PCDH15: variants seen among roughly 807,000 people sequenced by gnomAD.
The protein encoded by PCDH15 is protocadherin-15.
In PCDH15, 129 loss-of-function variants were observed where a neutral mutation model predicts 178.5. The ratio of observed to expected loss-of-function variants is 0.72; its 90% confidence interval spans 0.63 to 0.84. PCDH15 has a LOEUF of 0.84. PCDH15 is among the 40% of genes least tolerant of loss of function. The probability of loss-of-function intolerance (pLI) is 0.00; values close to 1 mark genes in which losing one functional copy is unlikely to be tolerated. For synonymous variants in PCDH15, 800 were observed against 732.0 expected, an observed-to-expected ratio of 1.09 and a Z score of -1.50; for missense variants, 2,230 against 2,099.9, an observed-to-expected ratio of 1.06 and a Z score of -1.21.
chr10:54,026,663 T>C (rs2093105917), intron 18 of PCDH15, among the ~76,000 whole-genome samples: 1 of 152,186 alleles, frequency 6.6e-6, no homozygotes, highest in Non-Finnish European at 1.5e-5. Context: ...TTTGCGTATA[T>C]TGAACCAGCT....
intron 2 of PCDH15, among the ~76,000 whole-genome samples, chr10:55,155,871 A>G (rs1838872547): frequency 6.6e-6 from 1 of 152,132 alleles, no homozygotes; most frequent in Non-Finnish European, 1.5e-5. Context: ...TGCTGTAAAG[A>G]TCAGCTATTA....
At chr10:55,272,339 AT>A (rs1842466619) in intron 1 of PCDH15, among the ~76,000 whole-genome samples, 1 of 150,952 alleles carries the variant, frequency 6.6e-6, no homozygotes, top group Non-Finnish European at 1.5e-5. Flanking sequence ...AAAGTTGAAT[AT>A]TTTTATTGTG....
intron 2 of PCDH15, among the ~76,000 whole-genome samples, chr10:55,047,097 A>G (rs975203344): frequency 6.6e-6 from 1 of 151,944 alleles, no homozygotes; most frequent in Non-Finnish European, 1.5e-5. Flanking sequence ...AGAAAATTAC[A>G]TGAAGGAACA....
intron 32 of PCDH15, chr10:53,823,197 G>C (rs767016017): frequency 6.2e-7 from 1 of 1,614,006 alleles, no homozygotes. Flanking sequence ...GAATTTTCTT[G>C]CAGACTTCAG....
In PCDH15 at chr10:53,805,002, A is replaced by G. The variant is rs1307681259; in HGVS notation, c.*1577T>C. 1.3e-5 allele frequency: 2 copies of G among 151,896 alleles called. No homozygotes were observed. The highest frequency in any genetic ancestry group is 2.9e-5 in the Non-Finnish European group (2 of 67,926). 9.4% of individuals were successfully genotyped at this position (151,896 alleles called of 1,614,324 possible). A position where few individuals can be genotyped will look rare whatever the true frequency, so the allele number is the denominator to read the frequency against. On this transcript the variant is annotated 3_prime_UTR_variant, in exon 38 of 38. Coordinates refer to ENST00000644397, the MANE Select transcript of PCDH15 (RefSeq NM_001384140.1). ...AATTCTCAATAAAATAAGGTAGATG[A>G]GATGTTACTGTATTTGATCTCAAAT...
intron 3 of PCDH15, among the ~76,000 whole-genome samples, chr10:54,438,268 CTT>C (rs1039826987): frequency 0.014 from 1,347 of 93,944 alleles, 16 homozygotes; most frequent in African/African-American, 0.046. Flanking sequence ...AAGAGAAAAG[CTT>C]TTTTTTTTTT....
At chr10:54,892,665 T>G (rs1954482732) in intron 3 of PCDH15, among the ~76,000 whole-genome samples, 1 of 151,114 alleles carries the variant, frequency 6.6e-6, no homozygotes, top group Non-Finnish European at 1.5e-5. Flanking sequence ...ATCTGGAATA[T>G]TCCATCACTG....
chr10:55,097,831 G>T (rs1300314699), intron 2 of PCDH15, among the ~76,000 whole-genome samples: 1 of 152,064 alleles, frequency 6.6e-6, no homozygotes, highest in African/African-American at 2.4e-5. Flanking sequence ...GTAGTTGAGA[G>T]GGAAACACTC....
intron 1 of PCDH15, among the ~76,000 whole-genome samples, chr10:55,304,990 A>G (rs927163138): frequency 6.6e-6 from 1 of 152,244 alleles, no homozygotes; most frequent in Admixed American, 6.5e-5. Context: ...GTTTTGAAGA[A>G]TCATAAAACC....
chr10:55,250,042 A>G (rs959057851), intron 1 of PCDH15, among the ~76,000 whole-genome samples: 9 of 152,188 alleles, frequency 5.9e-5, no homozygotes, highest in African/African-American at 1.7e-4. Context: ...TGAAGTCTCT[A>G]GAGTCTAAAA....
At chr10:55,069,648 G>T (rs1434361928) in intron 2 of PCDH15, among the ~76,000 whole-genome samples, 1 of 143,862 alleles carries the variant, frequency 7.0e-6, no homozygotes, top group African/African-American at 2.6e-5. Flanking sequence ...TGGTGTATAT[G>T]TGCCACATTT....
At chr10:54,129,960 G>C (rs2042293186) in intron 15 of PCDH15, among the ~76,000 whole-genome samples, 2 of 152,136 alleles carry the variant, frequency 1.3e-5, no homozygotes, top group African/African-American at 4.8e-5. Context: ...TATGCAAATG[G>C]TGGTGGGGTG....
intron 2 of PCDH15, among the ~76,000 whole-genome samples, chr10:54,899,027 C>G (rs1323867748): frequency 6.6e-6 from 1 of 152,078 alleles, no homozygotes; most frequent in East Asian, 1.9e-4. Context: ...TCATGCAGCA[C>G]ATTCATAACA....
In PCDH15 at chr10:54,378,772, A is replaced by G. The variant is rs916367579; in HGVS notation, c.318+10T>C. ...TTATATTACAGGGGCAAAGAAAAAA[A>G]ATCACTAACATCTCTATCCAGAACT... is the stretch of plus-strand genomic sequence containing the variant. On this transcript the variant is annotated intron_variant, in intron 4 of 37. Coordinates refer to ENST00000644397, the MANE Select transcript of PCDH15 (RefSeq NM_001384140.1). 2 of 1,613,342 alleles carry G rather than the reference A, an allele frequency of 1.2e-6. No individual in the cohort carries two copies. The highest frequency in any genetic ancestry group is 1.7e-5 in the Admixed American group (1 of 59,934).
intron 23 of PCDH15, among the ~76,000 whole-genome samples, chr10:53,958,552 T>TTC (rs377454571): frequency 6.6e-6 from 1 of 151,772 alleles, no homozygotes; most frequent in African/African-American, 2.4e-5. Flanking sequence ...AGAGCTTGCT[T>TTC]TCTCTCTCTC....
intron 3 of PCDH15, among the ~76,000 whole-genome samples, chr10:54,517,662 A>G (rs1360035132): frequency 6.6e-6 from 1 of 152,180 alleles, no homozygotes; most frequent in Non-Finnish European, 1.5e-5. Flanking sequence ...TGAGACAGAA[A>G]GTTAACAAGG....
intron 10 of PCDH15, among the ~76,000 whole-genome samples, chr10:54,208,267 T>C (rs2051035181): frequency 6.6e-6 from 1 of 152,064 alleles, no homozygotes; most frequent in Non-Finnish European, 1.5e-5. Flanking sequence ...TTACTTTGCC[T>C]TACCTTAGAG....
At chr10:54,219,132 G>T (rs186150673) in intron 9 of PCDH15, among the ~76,000 whole-genome samples, 1 of 149,160 alleles carries the variant, frequency 6.7e-6, no homozygotes, top group Non-Finnish European at 1.5e-5. Flanking sequence ...AAAATTAGCC[G>T]GGCGTGGTGG....
At chr10:54,236,660 C>G (rs1258780146) in intron 9 of PCDH15, among the ~76,000 whole-genome samples, 163 bp downstream of exon 9, 2 of 152,040 alleles carry the variant, frequency 1.3e-5, no homozygotes, top group Non-Finnish European at 2.9e-5. Context: ...ATTGAGGAAG[C>G]AAATATCTTG....
Sources: allele counts gnomAD v4.1 joint callset (sites outside exome capture counted in the v4.1 genomes callset), GRCh38; gene constraint gnomAD v4.1.1; transcripts MANE v1.5; gene names NCBI Gene and HGNC (gene_info 2026-07-23, HGNC 2026-07-21).